CERS4: variants seen among roughly 807,000 people sequenced by gnomAD.
CERS4 encodes LAG1 homolog, ceramide synthase 4.
Under a neutral mutation model 51.8 loss-of-function variants are expected in CERS4, and 65 were observed. That is an observed-to-expected ratio of 1.26 (90% confidence interval 1.03 to 1.54). CERS4 has a LOEUF of 1.54. CERS4 is among the 40% of genes most tolerant of loss of function. CERS4 has a pLI of 0.00. For synonymous variants in CERS4, 228 were observed against 208.4 expected (o/e 1.09, Z -0.81); for missense variants, 563 against 500.4 (o/e 1.13, Z -1.19).
chr19:8,236,775 A>G lies in CERS4; in HGVS notation c.-1-14301A>G, dbSNP rs573732144. Among the ~76,000 whole-genome samples, 4 of 151,252 alleles carry G rather than the reference A, an allele frequency of 2.6e-5. No individual in the cohort carries two copies. The South Asian group carries it at 6.3e-4, about 24-fold the overall frequency. On this transcript the variant is annotated intron_variant, in intron 2 of 11. Coordinates refer to ENST00000251363, the MANE Select transcript of CERS4 (RefSeq NM_024552.3). The stretch of plus-strand genomic sequence containing the variant: ...CCAGCACTTTGGGAGGCTAAGGCAG[A>G]TGGATCACTTGAGGCCAGGAGTTTG...
chr19:8,261,589 G>A, intron 10 of CERS4, 99 bp from the exon 11 acceptor site: 2 of 1,398,286 alleles, frequency 1.4e-6, no homozygotes, highest in Non-Finnish European at 2.0e-6. Context: ...GCCATAGGTG[G>A]TTATGGAGCA....
intron 9 of CERS4, chr19:8,257,311 C>G: frequency 1.9e-6 from 1 of 535,468 alleles, no homozygotes; most frequent in East Asian, 3.3e-5. Flanking sequence ...GGCAGAGGCC[C>G]CCGCCTTCTC....
chr19:8,228,632 G>A lies in CERS4; in HGVS notation c.-2+17770G>A, dbSNP rs142583632. Among the ~76,000 whole-genome samples the A allele has an allele frequency of 3.6e-4, 55 of 151,722 alleles. No homozygotes were observed. The East Asian group carries it at 9.8e-3, about 27-fold the overall frequency. On this transcript the variant is annotated intron_variant, in intron 2 of 11. Coordinates refer to ENST00000251363, the MANE Select transcript of CERS4 (RefSeq NM_024552.3). ...GGAGGTTGCAGTGAGCTGAGATCCC[G>A]CCGTTGCACTGCAGCCTGGGCAACA...
At chr19:8,225,721 G>T (rs1967759526) in intron 2 of CERS4, among the ~76,000 whole-genome samples, 2 of 151,962 alleles carry the variant, frequency 1.3e-5, no homozygotes, top group South Asian at 4.2e-4. Flanking sequence ...ACCGTACCCG[G>T]CCGTGTTTTC....
At chr19:8,242,293 G>A (rs982854195) in intron 2 of CERS4, among the ~76,000 whole-genome samples, 24 of 152,174 alleles carry the variant, frequency 1.6e-4, no homozygotes, top group African/African-American at 5.5e-4. Flanking sequence ...AGGTTGGTGA[G>A]GTTAGTGAGA....
intron 2 of CERS4, among the ~76,000 whole-genome samples, chr19:8,235,794 T>C (rs1361234134): frequency 1.3e-5 from 2 of 151,984 alleles, no homozygotes; most frequent in East Asian, 3.9e-4. Context: ...CTCAGGAGGC[T>C]GAGGTGGGAG....
chr19:8,245,129 A>ACAAAAAAC lies in CERS4; in HGVS notation c.-1-5947_-1-5946insCAAAAAAC, dbSNP rs1599563670. On this transcript the variant is annotated intron_variant, in intron 2 of 11. Coordinates refer to ENST00000251363, the MANE Select transcript of CERS4 (RefSeq NM_024552.3). Reference sequence around the variant, plus strand: ...TCCATCTCAAAAAAAAAAAAAAAAAAAAAAAACACTCTTGGCTTCAAGCAA... The same window carrying ACAAAAAAC: ...TCCATCTCAAAAAAAAAAAAAAAAAACAAAAAACAAAAAACACTCTTGGCTTCAAGCAA... 6.7e-5 allele frequency among the ~76,000 whole-genome samples: 10 copies of ACAAAAAAC among 148,766 alleles called. No individual in the cohort carries two copies. The East Asian group carries it at 1.9e-3, about 29-fold the overall frequency.
chr19:8,257,378 C>G (rs1267530412), intron 9 of CERS4, among the ~76,000 whole-genome samples: 2 of 152,252 alleles, frequency 1.3e-5, no homozygotes, highest in Non-Finnish European at 2.9e-5. Context: ...AAAGCCCTGC[C>G]CCTCTCAGCT....
At chr19:8,259,252 G>A (rs1969554228) in intron 10 of CERS4, among the ~76,000 whole-genome samples, 1 of 152,144 alleles carries the variant, frequency 6.6e-6, no homozygotes, top group African/African-American at 2.4e-5. Context: ...GGGAGGTGAG[G>A]GACAGAACCA....
intron 2 of CERS4, among the ~76,000 whole-genome samples, chr19:8,211,602 C>A (rs1599497893): frequency 6.6e-6 from 1 of 152,102 alleles, no homozygotes; most frequent in East Asian, 1.9e-4. Flanking sequence ...ATTAAAATAT[C>A]ACGGAGGGGC....
At chr19:8,251,513 A>G (rs1969079426) in intron 3 of CERS4, among the ~76,000 whole-genome samples, 1 of 152,198 alleles carries the variant, frequency 6.6e-6, no homozygotes, top group South Asian at 2.1e-4. Context: ...CAGCATCTTC[A>G]TAAAACAGGG....
chr19:8,255,761 GCGGGC>G, intron 5 of CERS4, 36 bp downstream of exon 5: 1 of 1,595,466 alleles, frequency 6.3e-7, no homozygotes, highest in Non-Finnish European at 8.6e-7. Context: ...GTGCAGGGAA[GCGGGC>G]CGGGGTGGGG....
rs186790044 is a variant in CERS4 at position 8,243,088 on chromosome 19, G to C, written c.-1-7988G>C. Among the ~76,000 whole-genome samples the C allele has an allele frequency of 9.4e-5, 14 of 149,458 alleles. No individual in the cohort carries two copies. In the East Asian group the frequency reaches 2.6e-3, roughly 28 times the overall value. ...CTGAGAAAGCTGCACCAGTGACTCA[G>C]AAGGCTGAGGTGGGAGGATGGCTTG... On this transcript the variant is annotated intron_variant, in intron 2 of 11. Coordinates refer to ENST00000251363, the MANE Select transcript of CERS4 (RefSeq NM_024552.3).
Position 8,230,433 on chromosome 19 carries a change from G to A in CERS4, c.-2+19571G>A, listed in dbSNP as rs954337310. Among the ~76,000 whole-genome samples the A allele has an allele frequency of 3.3e-5, 5 of 151,970 alleles. No homozygotes were observed. In the South Asian group the frequency reaches 1.0e-3, roughly 32 times the overall value. ...TCAAACTCCTGGACCCAAGTGATCC[G>A]CCCAATTCAGCCTCCTAAAGTGCTG... is the stretch of plus-strand genomic sequence containing the variant. On this transcript the variant is annotated intron_variant, in intron 2 of 11. Transcript: ENST00000251363.
intron 2 of CERS4, among the ~76,000 whole-genome samples, chr19:8,234,449 T>G (rs1246169027): frequency 6.6e-6 from 1 of 151,634 alleles, no homozygotes; most frequent in African/African-American, 2.4e-5. Context: ...GCCCCCAGCT[T>G]CCAGAACCTT....
chr19:8,243,828 G>A (rs749560018), intron 2 of CERS4, among the ~76,000 whole-genome samples: 1 of 151,912 alleles, frequency 6.6e-6, no homozygotes, highest in Non-Finnish European at 1.5e-5. Context: ...ACGCCCACGG[G>A]AACATTTTAG....
In CERS4 at chr19:8,261,646, G is replaced by T. The variant is rs202234195; in HGVS notation, c.849-42G>T. 13 of 1,610,694 alleles carry T rather than the reference G, an allele frequency of 8.1e-6. No individual in the cohort carries two copies. The East Asian group carries it at 2.9e-4, about 36-fold the overall frequency. ...AATTCTTAGGACTGGGGGCTACAGC[G>T]GCTGGTCAAACCCCAGCCTCCTCCT... On this transcript the variant is annotated intron_variant, in intron 10 of 11. Coordinates refer to ENST00000251363, the MANE Select transcript of CERS4 (RefSeq NM_024552.3).
chr19:8,220,765 C>T (rs1057307173), intron 2 of CERS4, among the ~76,000 whole-genome samples: 6 of 152,132 alleles, frequency 3.9e-5, no homozygotes, highest in African/African-American at 7.2e-5. Context: ...AAATCTCTGC[C>T]GCCTTCCCAT....
At chr19:8,254,976 T>G (rs542791362) in intron 4 of CERS4, among the ~76,000 whole-genome samples, 1 of 151,266 alleles carries the variant, frequency 6.6e-6, no homozygotes, top group South Asian at 2.1e-4. Flanking sequence ...TCTAGGAGAG[T>G]GAGAGTAGTT....
Sources: gnomAD v4.1 joint callset for allele counts (sites outside exome capture counted in the v4.1 genomes callset) on GRCh38, gnomAD v4.1.1 for gene constraint, MANE v1.5 for transcripts, NCBI Gene and HGNC (gene_info 2026-07-23, HGNC 2026-07-21) for gene names.